Variants in MEI4 observed in about 807,000 individuals in gnomAD.
MEI4 encodes meiotic double-stranded break formation protein 4.
MEI4 carries 27 observed loss-of-function variants against 31.4 expected under a neutral mutation model. The observed-to-expected ratio is 0.86, with a 90% confidence interval of 0.63 to 1.19. MEI4 has a LOEUF of 1.19. Ranked by LOEUF, MEI4 falls within the 50% of genes most tolerant of loss-of-function variation. The probability of loss-of-function intolerance (pLI) is 0.00; values close to 1 mark genes in which losing one functional copy is unlikely to be tolerated. For synonymous variants in MEI4, 122 were observed against 145.4 expected, an observed-to-expected ratio of 0.84 and a Z score of 1.16; for missense variants, 329 against 398.9, an observed-to-expected ratio of 0.82 and a Z score of 1.49.
rs189327482 is a variant in MEI4 at position 77,877,035 on chromosome 6, G to A, written c.901-46054G>A. Among the ~76,000 whole-genome samples the A allele has an allele frequency of 1.4e-3, 213 of 152,280 alleles. 1 individual carries two copies. The highest frequency in any genetic ancestry group is 4.5e-3 in the African/African-American group (187 of 41,568). On this transcript the variant is annotated intron_variant, in intron 4 of 4. Transcript: ENST00000684080. Reference sequence around the variant, plus strand: ...ATAGATACTTGCCTCTTGTGAGGCAGCTACCAATTTAAGGCTAGAAGTATA... The same window carrying A: ...ATAGATACTTGCCTCTTGTGAGGCAACTACCAATTTAAGGCTAGAAGTATA...
intron 2 of MEI4, among the ~76,000 whole-genome samples, chr6:77,731,136 C>T (rs1235151720): frequency 4.7e-4 from 71 of 151,388 alleles, no homozygotes; most frequent in Admixed American, 4.0e-3. Context: ...CCTTTGGGTA[C>T]ATACCCAGTA....
At chr6:77,849,340 C>A (rs543169830) in intron 4 of MEI4, among the ~76,000 whole-genome samples, 1 of 152,156 alleles carries the variant, frequency 6.6e-6, no homozygotes, top group East Asian at 1.9e-4. Context: ...GGATTTAAGC[C>A]TCATAGGAGT....
chr6:77,889,995 T>C (rs1581955102), intron 4 of MEI4, among the ~76,000 whole-genome samples: 2 of 152,218 alleles, frequency 1.3e-5, no homozygotes, highest in East Asian at 1.9e-4. Flanking sequence ...ATGGAAATGC[T>C]TGGATGTCCA....
intron 4 of MEI4, among the ~76,000 whole-genome samples, chr6:77,851,480 G>A (rs1376948096): frequency 6.6e-6 from 1 of 152,020 alleles, no homozygotes; most frequent in Non-Finnish European, 1.5e-5. Flanking sequence ...CATGTCCTTT[G>A]TAGGGACATG....
At chr6:77,838,744 A>G (rs1003333726) in intron 4 of MEI4, among the ~76,000 whole-genome samples, 1 of 152,104 alleles carries the variant, frequency 6.6e-6, no homozygotes, top group African/African-American at 2.4e-5. Context: ...TCTACTAAAA[A>G]TACAAAAAAA....
chr6:77,872,806 C>T (rs1771230428), intron 4 of MEI4, among the ~76,000 whole-genome samples: 4 of 146,686 alleles, frequency 2.7e-5, no homozygotes, highest in Admixed American at 6.9e-5. Flanking sequence ...GTTCAATTCC[C>T]ACCTATGAGT....
At chr6:77,748,411 T>C (rs990180650) in intron 2 of MEI4, among the ~76,000 whole-genome samples, 10 of 152,248 alleles carry the variant, frequency 6.6e-5, no homozygotes, top group African/African-American at 2.4e-4. Context: ...TTACACCCAC[T>C]GAAGCAATAG....
At chr6:77,664,664 G>T (rs908407897) in intron 1 of MEI4, among the ~76,000 whole-genome samples, 2 of 152,032 alleles carry the variant, frequency 1.3e-5, no homozygotes, top group African/African-American at 4.8e-5. Context: ...CGACGCTTGG[G>T]GTTGGGACTG....
intron 4 of MEI4, among the ~76,000 whole-genome samples, chr6:77,883,233 T>C (rs1387304733): frequency 6.6e-6 from 1 of 152,282 alleles, no homozygotes; most frequent in East Asian, 1.9e-4. Context: ...ATTTTGCATA[T>C]GATCTGTAAT....
Position 77,839,373 on chromosome 6 carries a change from A to G in MEI4, c.900+10311A>G, listed in dbSNP as rs1254680526. ...TGAATTAAGGTGAATCTTCCTACAC[A>G]GAATTGAGACTATCCTTCTCCAGCC... On this transcript the variant is annotated intron_variant, in intron 4 of 4. Coordinates refer to ENST00000684080, the MANE Select transcript of MEI4 (RefSeq NM_001322247.2). Among the ~76,000 whole-genome samples, 5 of 152,302 alleles carry G rather than the reference A, an allele frequency of 3.3e-5. No homozygotes were observed. In the South Asian group the frequency reaches 1.0e-3, roughly 32 times the overall value.
At chr6:77,722,530 TTTTTCCC>T (rs1336035296) in intron 2 of MEI4, among the ~76,000 whole-genome samples, 1 of 151,460 alleles carries the variant, frequency 6.6e-6, no homozygotes, top group Non-Finnish European at 1.5e-5. Context: ...GCCATCTTCA[TTTTTCCC>T]TAGTCCCTTT....
chr6:77,810,949 A>G (rs1007467425), intron 3 of MEI4, among the ~76,000 whole-genome samples: 2 of 152,166 alleles, frequency 1.3e-5, no homozygotes, highest in Admixed American at 6.5e-5. Context: ...AAAAAAATCT[A>G]TCTACCTTAA....
intron 4 of MEI4, among the ~76,000 whole-genome samples, chr6:77,891,108 G>A (rs149085142): frequency 2.2e-3 from 338 of 152,240 alleles, no homozygotes; most frequent in African/African-American, 7.4e-3. Context: ...ACTCTAACAT[G>A]CATTGGAAAT....
At position 77,759,230 on chromosome 6, in the gene MEI4, C is replaced by T. The variant is rs185386971; in HGVS notation, c.233-1900C>T. Among the ~76,000 whole-genome samples, 28 of 152,042 alleles carry T rather than the reference C, an allele frequency of 1.8e-4. 2 individuals are homozygous for T. The East Asian group carries it at 3.3e-3, about 18-fold the overall frequency. On this transcript the variant is annotated intron_variant, in intron 2 of 4. Transcript: ENST00000684080. ...TTTTTCTTGTACCTTTTAAATTGTTCCTTCTCTATGTTCTTAATGACTGTT... is the reference window on the plus strand; with the variant it reads ...TTTTTCTTGTACCTTTTAAATTGTTTCTTCTCTATGTTCTTAATGACTGTT...
chr6:77,736,815 G>C (rs544943343), intron 2 of MEI4, among the ~76,000 whole-genome samples: 2 of 151,976 alleles, frequency 1.3e-5, no homozygotes, highest in Admixed American at 1.3e-4. Flanking sequence ...AGATACTAAC[G>C]TTCAGAGGAG....
chr6:77,656,658 C>T (rs1238051939), intron 1 of MEI4, among the ~76,000 whole-genome samples: 8 of 152,124 alleles, frequency 5.3e-5, no homozygotes, highest in Non-Finnish European at 8.8e-5. Context: ...CTTTTCATAA[C>T]GGTGCATAAA....
At chr6:77,744,451 G>A (rs936720630) in intron 2 of MEI4, among the ~76,000 whole-genome samples, 4 of 152,070 alleles carry the variant, frequency 2.6e-5, no homozygotes, top group Non-Finnish European at 4.4e-5. Flanking sequence ...CAAAGCCTCC[G>A]AGAAATATGG....
At chr6:77,679,875 G>T in intron 1 of MEI4, among the ~76,000 whole-genome samples, 1 of 150,960 alleles carries the variant, frequency 6.6e-6, no homozygotes, top group East Asian at 2.0e-4. Context: ...CGAGTAGCTG[G>T]GATTACAGGT....
chr6:77,676,143 G>T (rs943756899), intron 1 of MEI4, among the ~76,000 whole-genome samples: 2 of 152,038 alleles, frequency 1.3e-5, no homozygotes, highest in African/African-American at 2.4e-5. Context: ...GAAGTACAAG[G>T]ACTTACAAGG....
Sources: gnomAD v4.1 joint callset for allele counts (sites outside exome capture counted in the v4.1 genomes callset) on GRCh38, gnomAD v4.1.1 for gene constraint, MANE v1.5 for transcripts, NCBI Gene and HGNC (gene_info 2026-07-23, HGNC 2026-07-21) for gene names.